ATXN7: variants seen among roughly 807,000 people sequenced by gnomAD.
ATXN7 encodes ataxin-7.
A neutral mutation model predicts 70.5 loss-of-function variants in ATXN7; 12 were observed. The observed-to-expected ratio is 0.17, with a 90% CI of 0.11 to 0.28. The LOEUF is 0.28. Ranked by LOEUF, ATXN7 falls within the 10% of genes least tolerant of loss-of-function variation. The pLI is 1.00. For missense variants in ATXN7, 1,256 were observed against 1,131.7 expected (o/e 1.11, Z -1.58); for synonymous variants, 498 against 448.7 (o/e 1.11, Z -1.39).
At chr3:63,947,573 C>G (rs1052785493) in intron 4 of ATXN7, among the ~76,000 whole-genome samples, 3 of 151,998 alleles carry the variant, frequency 2.0e-5, no homozygotes, top group Non-Finnish European at 4.4e-5. Flanking sequence ...GCCTGGGCGA[C>G]AGAAACCTTG....
chr3:63,884,207 A>G (rs1406564087), intron 1 of ATXN7, among the ~76,000 whole-genome samples: 276 of 4,730 alleles, frequency 0.058, 2 homozygotes, highest in East Asian at 0.23. Flanking sequence ...ACATGCGCAC[A>G]CACACACACA....
chr3:63,885,630 A>T lies in ATXN7; in HGVS notation c.-110-12769A>T, dbSNP rs181640136. On this transcript the variant is annotated intron_variant, in intron 1 of 12. Transcript: ENST00000674280. The stretch of plus-strand genomic sequence containing the variant: ...AAGGAAATCAGTATGTCACAGAGGT[A>T]TCTGCACTCCCATGTTCATTGCAGC... Among the ~76,000 whole-genome samples, 4 of 152,358 alleles carry T rather than the reference A, an allele frequency of 2.6e-5. No individual in the cohort carries two copies. The East Asian group carries it at 7.7e-4, about 29-fold the overall frequency.
intron 12 of ATXN7, chr3:63,997,833 G>A (rs918594078): frequency 6.9e-7 from 1 of 1,448,206 alleles, no homozygotes; most frequent in African/African-American, 1.4e-5. Flanking sequence ...TAATATTTGG[G>A]TGAATTAACA....
chr3:63,914,857 T>G (rs1207135964), intron 4 of ATXN7, among the ~76,000 whole-genome samples: 1 of 152,224 alleles, frequency 6.6e-6, no homozygotes, highest in African/African-American at 2.4e-5. Context: ...ATGTTTTTCA[T>G]GAAGAACTAA....
chr3:63,941,437 A>G (rs1410006378), intron 4 of ATXN7, among the ~76,000 whole-genome samples: 2 of 152,174 alleles, frequency 1.3e-5, no homozygotes. Flanking sequence ...CAAGGTATCT[A>G]GGTTGTGTGC....
At chr3:63,981,863 T>G (rs996745351) in intron 6 of ATXN7, among the ~76,000 whole-genome samples, 2 of 152,224 alleles carry the variant, frequency 1.3e-5, no homozygotes, top group African/African-American at 4.8e-5. Flanking sequence ...CTTTTAGACC[T>G]TCTCATGTTT....
intron 1 of ATXN7, among the ~76,000 whole-genome samples, chr3:63,895,386 A>G (rs1037479685): frequency 2.2e-4 from 34 of 152,220 alleles, no homozygotes; most frequent in African/African-American, 7.2e-4. Flanking sequence ...TCTGTTTAAA[A>G]GGAATGATGG....
intron 2 of ATXN7, among the ~76,000 whole-genome samples, chr3:63,899,533 A>T (rs1703551786): frequency 6.6e-6 from 1 of 150,924 alleles, no homozygotes; most frequent in African/African-American, 2.4e-5. Context: ...GTACTTTGGG[A>T]GGCTGAGGTG....
At chr3:63,863,677 G>C, upstream of ATXN7, 2 of 1,236,518 alleles carry the variant, frequency 1.6e-6, no homozygotes, top group Non-Finnish European at 2.0e-6. Flanking sequence ...CGGGGAGGCC[G>C]AGGGGTTCCC....
intron 1 of ATXN7, among the ~76,000 whole-genome samples, chr3:63,877,279 TC>T (rs1702773186): frequency 6.6e-6 from 1 of 152,198 alleles, no homozygotes; most frequent in African/African-American, 2.4e-5. Context: ...CTCAGAAAAT[TC>T]CACAGATAGA....
At chr3:63,996,725 A>G (rs559639156) in intron 12 of ATXN7, 49 of 530,986 alleles carry the variant, frequency 9.2e-5, no homozygotes, top group Middle Eastern at 1.0e-3. Context: ...TAAAGAAACT[A>G]CAGTAATGCA....
At chr3:63,913,454 T>A (rs1179328890) in intron 4 of ATXN7, among the ~76,000 whole-genome samples, 1 of 152,108 alleles carries the variant, frequency 6.6e-6, no homozygotes, top group Non-Finnish European at 1.5e-5. Context: ...GGAGCAGCAT[T>A]ATTGGTGATG....
chr3:63,990,093 T>C (rs1280195234), intron 9 of ATXN7, 83 bp from the exon 10 acceptor site: 1 of 1,380,196 alleles, frequency 7.2e-7, no homozygotes, highest in East Asian at 2.3e-5. Flanking sequence ...CTAGGTTGTT[T>C]TGGACACACT....
intron 5 of ATXN7, among the ~76,000 whole-genome samples, chr3:63,964,758 C>G (rs2075191285): frequency 6.6e-6 from 1 of 152,208 alleles, no homozygotes; most frequent in Non-Finnish European, 1.5e-5. Flanking sequence ...TGAAGCTAAT[C>G]TGATTCTGGA....
intron 1 of ATXN7, among the ~76,000 whole-genome samples, chr3:63,876,756 A>G (rs1439688895): frequency 1.3e-5 from 2 of 152,208 alleles, no homozygotes; most frequent in African/African-American, 2.4e-5. Context: ...TAAATCTGGT[A>G]TCAAGTATTA....
At chr3:63,979,196 A>G (rs368969190) in intron 5 of ATXN7, among the ~76,000 whole-genome samples, 1 of 152,214 alleles carries the variant, frequency 6.6e-6, no homozygotes, top group African/African-American at 2.4e-5. Context: ...GTACTTAACC[A>G]TGAATTACTT....
At chr3:63,963,245 C>T (rs1410859708) in intron 5 of ATXN7, among the ~76,000 whole-genome samples, 1 of 152,090 alleles carries the variant, frequency 6.6e-6, no homozygotes, top group Non-Finnish European at 1.5e-5. Context: ...TTCTTAGCTA[C>T]CTTCACAGTG....
intron 4 of ATXN7, among the ~76,000 whole-genome samples, chr3:63,929,997 T>C (rs1282402669): frequency 6.6e-6 from 1 of 152,166 alleles, no homozygotes; most frequent in East Asian, 1.9e-4. Flanking sequence ...CCCCGATCCA[T>C]CCACAGGAAC....
At chr3:63,939,933 G>A (rs2074726672) in intron 4 of ATXN7, among the ~76,000 whole-genome samples, 1 of 152,096 alleles carries the variant, frequency 6.6e-6, no homozygotes, top group African/African-American at 2.4e-5. Context: ...GGCTAGCTCA[G>A]AGCTCATTCT....
Sources: gnomAD v4.1 joint callset for allele counts (sites outside exome capture counted in the v4.1 genomes callset) on GRCh38, gnomAD v4.1.1 for gene constraint, MANE v1.5 for transcripts, NCBI Gene and HGNC (gene_info 2026-07-23, HGNC 2026-07-21) for gene names.